The following PDE1C variants were observed in gnomAD, a reference collection of about 807,000 sequenced individuals.
PDE1C encodes the protein dual specificity calcium/calmodulin-dependent 3',5'-cyclic nucleotide phosphodiesterase 1C.
PDE1C carries 62 observed loss-of-function variants against 93.1 expected under a neutral mutation model. The observed-to-expected ratio is 0.67, with a 90% CI of 0.54 to 0.82. PDE1C has a LOEUF of 0.82. Among genes scored for constraint, PDE1C ranks in the 40% least tolerant of loss-of-function variants. The pLI, the probability that PDE1C is intolerant of heterozygous loss-of-function variation, is 0.00. For missense variants in PDE1C, 742 were observed against 884.6 expected, an observed-to-expected ratio of 0.84 and a Z score of 2.04; for synonymous variants, 325 against 310.1, an observed-to-expected ratio of 1.05 and a Z score of -0.50.
intron 3 of PDE1C, among the ~76,000 whole-genome samples, chr7:32,084,641 T>C (rs1389975958): frequency 6.6e-6 from 1 of 151,202 alleles, no homozygotes; most frequent in Non-Finnish European, 1.5e-5. Context: ...ACAGAAATTA[T>C]AACAAACTGT....
At chr7:32,260,485 C>A (rs185775989) in intron 1 of PDE1C, among the ~76,000 whole-genome samples, 2 of 152,246 alleles carry the variant, frequency 1.3e-5, no homozygotes, top group East Asian at 3.9e-4. Flanking sequence ...CACTTTGATT[C>A]TTTGTTTCAT....
intron 1 of PDE1C, among the ~76,000 whole-genome samples, chr7:32,211,335 T>C (rs776344743): frequency 2.0e-5 from 3 of 152,228 alleles, no homozygotes; most frequent in Non-Finnish European, 4.4e-5. Context: ...CTTGCTGTCT[T>C]CTAAAATGTT....
intron 1 of PDE1C, among the ~76,000 whole-genome samples, chr7:32,358,545 G>A (rs895107228): frequency 1.3e-5 from 2 of 152,086 alleles, no homozygotes; most frequent in African/African-American, 4.8e-5. Flanking sequence ...CGGGCAAGTG[G>A]GGGTGTGGAA....
At chr7:32,182,642 A>G (rs2128813317) in intron 2 of PDE1C, among the ~76,000 whole-genome samples, 1 of 152,330 alleles carries the variant, frequency 6.6e-6, no homozygotes, top group South Asian at 2.1e-4. Flanking sequence ...TATTGATGGG[A>G]CGTATCTCAA....
intron 16 of PDE1C, among the ~76,000 whole-genome samples, chr7:31,797,629 C>T (rs1785471219): frequency 6.6e-6 from 1 of 151,718 alleles, no homozygotes; most frequent in Non-Finnish European, 1.5e-5. Flanking sequence ...AACAGCTTGT[C>T]TTCCCAATTC....
chr7:32,397,666 GC>G (rs1414573365), intron 1 of PDE1C, among the ~76,000 whole-genome samples: 1 of 152,106 alleles, frequency 6.6e-6, no homozygotes, highest in Non-Finnish European at 1.5e-5. Context: ...CAATCTAAAT[GC>G]CTATAGGAGA....
At chr7:32,295,834 C>A (rs530870330) in intron 1 of PDE1C, among the ~76,000 whole-genome samples, 1 of 139,744 alleles carries the variant, frequency 7.2e-6, no homozygotes, top group Non-Finnish European at 1.5e-5. Context: ...GCGGAGCTTG[C>A]AGTGAGCTGA....
chr7:32,305,989 T>A (rs1812990207), intron 1 of PDE1C, among the ~76,000 whole-genome samples: 2 of 152,192 alleles, frequency 1.3e-5, no homozygotes, highest in Non-Finnish European at 2.9e-5. Context: ...TGGTGGGAGA[T>A]AATTGAATCA....
rs74637828 is a variant in PDE1C, at chr7:32,288,800, T to C, written c.85+9851A>G. On this transcript the variant is annotated intron_variant, in intron 1 of 18. Coordinates refer to the PDE1C transcript ENST00000396193. ...TCCTATGGCGTTAATGTGTGTTCCC[T>C]GGGCCCAAAGTCAGAGAAAAACAAT... Among the ~76,000 whole-genome samples the C allele has an allele frequency of 1.6e-3, 249 of 152,364 alleles. 5 individuals carry two copies. In the East Asian group the frequency reaches 0.044, roughly 27 times the overall value.
chr7:32,274,045 T>C (rs1811133570), intron 1 of PDE1C, among the ~76,000 whole-genome samples: 1 of 152,020 alleles, frequency 6.6e-6, no homozygotes, highest in Non-Finnish European at 1.5e-5. Flanking sequence ...GCAGGAAAGC[T>C]TGAAGATAGT....
At chr7:31,828,683 A>T (rs1789997374) in intron 11 of PDE1C, among the ~76,000 whole-genome samples, 1 of 152,124 alleles carries the variant, frequency 6.6e-6, no homozygotes, top group Non-Finnish European at 1.5e-5. Flanking sequence ...TGCAGCCAGC[A>T]CTGCAGGCAG....
At chr7:31,786,862 C>T (rs543116453) in intron 16 of PDE1C, 9 of 152,156 alleles carry the variant, frequency 5.9e-5, no homozygotes, top group Non-Finnish European at 1.2e-4. Context: ...AGTCTCTGCT[C>T]ATAGGTTAAG....
At chr7:32,385,497 A>C (rs215722) in intron 1 of PDE1C, among the ~76,000 whole-genome samples, 148,306 of 152,232 alleles carry the variant, frequency 0.97, 72,259 homozygotes, top group East Asian at 1. Flanking sequence ...CCATTACCCT[A>C]CCAAGGTCCC....
the PDE1C span, among the ~76,000 whole-genome samples, chr7:31,701,223 A>G: frequency 2.0e-5 from 3 of 152,224 alleles, no homozygotes; most frequent in Admixed American, 2.0e-4. Context: ...GGAGGTCAAA[A>G]TATCAAAAAT....
At chr7:31,690,571 C>T in the PDE1C span, among the ~76,000 whole-genome samples, 4 of 152,282 alleles carry the variant, frequency 2.6e-5, no homozygotes, top group South Asian at 6.2e-4. Context: ...GCAACTTCAT[C>T]GAAGTCATAT....
At chr7:32,111,729 C>T (rs951561248) in intron 3 of PDE1C, among the ~76,000 whole-genome samples, 2 of 152,200 alleles carry the variant, frequency 1.3e-5, no homozygotes, top group African/African-American at 4.8e-5. Context: ...GAAGGTGTAC[C>T]CCTACTATGT....
chr7:32,299,259 A>G, exon 1 of PDE1C: 1 of 987,332 alleles, frequency 1.0e-6, no homozygotes, highest in Non-Finnish European at 1.2e-6. Flanking sequence ...TCCAGAAAGC[A>G]CATCAACAGA....
chr7:32,386,079 CTTTT>C (rs1784620171), intron 1 of PDE1C, among the ~76,000 whole-genome samples: 2 of 89,726 alleles, frequency 2.2e-5, no homozygotes, highest in Non-Finnish European at 4.2e-5. Flanking sequence ...GTCCCTCCAC[CTTTT>C]TCTTTCTTTT....
downstream of PDE1C, among the ~76,000 whole-genome samples, chr7:31,749,496 T>C (rs1794075645): frequency 6.6e-6 from 1 of 152,120 alleles, no homozygotes; most frequent in Non-Finnish European, 1.5e-5. Flanking sequence ...CTCACATGTC[T>C]TGAAAATATG....
Sources: allele counts gnomAD v4.1 joint callset (sites outside exome capture counted in the v4.1 genomes callset), GRCh38; gene constraint gnomAD v4.1.1; transcripts MANE v1.5; gene names NCBI Gene and HGNC (gene_info 2026-07-23, HGNC 2026-07-21).